Variants in NXPE2 observed in about 807,000 individuals in gnomAD.
The protein encoded by NXPE2 is neurexophilin and PC-esterase domain family member 2, also known as NXPE family member 2.
Under a neutral mutation model 34.4 loss-of-function variants are expected in NXPE2, and 34 were observed. The observed-to-expected ratio is 0.99, with a 90% CI of 0.75 to 1.31. NXPE2 has a LOEUF of 1.31. Ranked by LOEUF, NXPE2 falls within the 40% of genes most tolerant of loss-of-function variation. NXPE2 has a pLI of 0.00. For synonymous variants in NXPE2, 235 were observed against 231.3 expected (o/e 1.02, Z -0.15); for missense variants, 649 against 672.5 (o/e 0.97, Z 0.39).
the NXPE2 span, among the ~76,000 whole-genome samples, chr11:114,645,122 T>C: frequency 9.2e-5 from 14 of 151,896 alleles, no homozygotes; most frequent in African/African-American, 3.4e-4. Flanking sequence ...GCCAACATGG[T>C]GAAACCCCAT....
chr11:114,779,987 G>A, the NXPE2 span, among the ~76,000 whole-genome samples: 5 of 152,140 alleles, frequency 3.3e-5, no homozygotes, highest in Non-Finnish European at 5.9e-5. Context: ...GAATCTCACC[G>A]CGAGTGTTTT....
the NXPE2 span, among the ~76,000 whole-genome samples, chr11:114,767,803 C>T: frequency 6.6e-6 from 1 of 152,090 alleles, no homozygotes; most frequent in Non-Finnish European, 1.5e-5. Context: ...TTACCTATCC[C>T]CTTCTCCAAT....
upstream of NXPE2, among the ~76,000 whole-genome samples, chr11:114,676,325 G>A (rs1011822491): frequency 5.3e-5 from 8 of 151,598 alleles, no homozygotes; most frequent in African/African-American, 1.9e-4. Context: ...GACAACCTAC[G>A]AAATGGGAAA....
chr11:114,628,800 G>A, the NXPE2 span, among the ~76,000 whole-genome samples: 1 of 151,816 alleles, frequency 6.6e-6, no homozygotes. Context: ...AAAAAAGAGA[G>A]AAGAATCAAA....
the NXPE2 span, among the ~76,000 whole-genome samples, chr11:114,587,008 A>G: frequency 1.3e-5 from 2 of 152,106 alleles, no homozygotes; most frequent in African/African-American, 4.8e-5. Context: ...TCTGGAGAGC[A>G]CATGGTATTT....
At chr11:114,762,336 CT>C in the NXPE2 span, among the ~76,000 whole-genome samples, 2 of 152,080 alleles carry the variant, frequency 1.3e-5, no homozygotes, top group Non-Finnish European at 2.9e-5. Flanking sequence ...CATGTTGTGT[CT>C]TTCACAGCCT....
chr11:114,470,383 A>G, the NXPE2 span, among the ~76,000 whole-genome samples: 1 of 152,114 alleles, frequency 6.6e-6, no homozygotes, highest in African/African-American at 2.4e-5. Flanking sequence ...AGGATTTTAG[A>G]CATTTAAATA....
chr11:114,552,804 C>A, the NXPE2 span: 1 of 812,630 alleles, frequency 1.2e-6, no homozygotes, highest in Non-Finnish European at 1.5e-6. Context: ...TTCTCAATCT[C>A]CTTTTCATAG....
chr11:114,697,089 C>T (rs1224761738), intron 2 of NXPE2, among the ~76,000 whole-genome samples: 1 of 152,166 alleles, frequency 6.6e-6, no homozygotes, highest in African/African-American at 2.4e-5. Flanking sequence ...ACTATACTCA[C>T]CTATTTTTGG....
the NXPE2 span, among the ~76,000 whole-genome samples, chr11:114,627,240 A>G: frequency 5.9e-5 from 9 of 152,084 alleles, no homozygotes; most frequent in South Asian, 2.1e-4. Context: ...AGTTGAAATG[A>G]AGGAAAAAAT....
chr11:114,812,839 T>G, the NXPE2 span, among the ~76,000 whole-genome samples: 1 of 152,142 alleles, frequency 6.6e-6, no homozygotes, highest in African/African-American at 2.4e-5. Flanking sequence ...AAAAAATAGA[T>G]GCACTTTGAA....
At chr11:114,632,092 AAATAT>A in the NXPE2 span, among the ~76,000 whole-genome samples, 1 of 145,208 alleles carries the variant, frequency 6.9e-6, no homozygotes, top group African/African-American at 2.5e-5. Context: ...ATTATATTGT[AAATAT>A]AATGTAATAT....
chr11:114,616,018 G>A, the NXPE2 span, among the ~76,000 whole-genome samples: 1 of 151,780 alleles, frequency 6.6e-6, no homozygotes, highest in South Asian at 2.1e-4. Flanking sequence ...AATAAGTATT[G>A]CCTCGTGGGT....
chr11:114,508,977 A>G, the NXPE2 span, among the ~76,000 whole-genome samples: 1 of 152,244 alleles, frequency 6.6e-6, no homozygotes, highest in South Asian at 2.1e-4. Context: ...GACAACCTAC[A>G]GAATGAGAGA....
chr11:114,602,280 ATATAT>A, the NXPE2 span, among the ~76,000 whole-genome samples: 1 of 118,484 alleles, frequency 8.4e-6, no homozygotes, highest in Non-Finnish European at 1.6e-5. Flanking sequence ...ATTATACTAT[ATATAT>A]GTTATCTATA....
chr11:114,705,667 A>T (rs1217929737), intron 4 of NXPE2, 114 bp from the exon 5 acceptor site: 1 of 587,356 alleles, frequency 1.7e-6, no homozygotes, highest in Non-Finnish European at 2.9e-6. Flanking sequence ...GGCAAAATAG[A>T]GCTGAAGAGA....
chr11:114,682,808 C>T (rs1950971257), intron 2 of NXPE2, among the ~76,000 whole-genome samples: 1 of 150,520 alleles, frequency 6.6e-6, no homozygotes, highest in African/African-American at 2.4e-5. Context: ...TTTAAGAAAA[C>T]ATTGCTAGCA....
At chr11:114,662,026 C>T in the NXPE2 span, among the ~76,000 whole-genome samples, 3 of 152,046 alleles carry the variant, frequency 2.0e-5, no homozygotes, top group African/African-American at 7.2e-5. Flanking sequence ...CTCCACCTAC[C>T]CCCCGCAAGG....
At chr11:114,513,568 A>G in the NXPE2 span, 1 of 155,782 alleles carries the variant, frequency 6.4e-6, no homozygotes, top group Non-Finnish European at 1.4e-5. Context: ...TAACTACTGA[A>G]GTGTTCAATC....
Sources: allele counts gnomAD v4.1 joint callset (sites outside exome capture counted in the v4.1 genomes callset), GRCh38; gene constraint gnomAD v4.1.1; transcripts MANE v1.5; gene names NCBI Gene and HGNC (gene_info 2026-07-23, HGNC 2026-07-21).